The following CCDC63 variants were observed in gnomAD, a reference collection of about 807,000 sequenced individuals.
CCDC63 encodes coiled-coil domain-containing protein 63.
CCDC63 carries 54 observed loss-of-function variants against 63.6 expected under a neutral mutation model. The observed-to-expected ratio is 0.85, with a 90% CI of 0.68 to 1.07. The LOEUF (loss-of-function observed/expected upper bound fraction) is 1.07, where lower values mean the gene tolerates loss of function less well. Ranked by LOEUF, CCDC63 falls within the 50% of genes least tolerant of loss-of-function variation. CCDC63 has a pLI of 0.00. For synonymous variants in CCDC63, 253 were observed against 266.1 expected (o/e 0.95, Z 0.48); for missense variants, 637 against 689.6 (o/e 0.92, Z 0.86).
Position 110,902,367 on chromosome 12 carries a change from T to C in CCDC63, c.1343-2221T>C, listed in dbSNP as rs927487539. On this transcript the variant is annotated intron_variant, in intron 10 of 11. Transcript: ENST00000308208. ...CCTCTTGTCCTGCTCTGTCCCTGGC[T>C]CACCTGTAGCCACACTATCCTCCTC... Among the ~76,000 whole-genome samples the C allele has an allele frequency of 1.3e-3, 205 of 152,274 alleles. 1 individual carries two copies. The highest frequency in any genetic ancestry group is 4.7e-3 in the African/African-American group (196 of 41,546).
chr12:110,866,464 G>A (rs956784575), intron 4 of CCDC63, among the ~76,000 whole-genome samples: 2 of 144,998 alleles, frequency 1.4e-5, no homozygotes, highest in Admixed American at 1.4e-4. Flanking sequence ...AGGACCCTGC[G>A]GCCTTCCGCA....
In CCDC63 at chr12:110,852,861, CA is replaced by C; in HGVS notation, c.-93del. ...CTTCCTTTTGCCACCATGAACAGGG[CA>C]TTGCAGAGAGACAGAGAGAGAGAGG... On this transcript the variant is annotated 5_prime_UTR_variant, in exon 2 of 12. Transcript: ENST00000308208. The C allele has an allele frequency of 6.3e-7, 1 of 1,594,228 alleles. No homozygotes were observed. The highest frequency in any genetic ancestry group is 8.6e-7 in the Non-Finnish European group (1 of 1,162,072).
intron 10 of CCDC63, among the ~76,000 whole-genome samples, chr12:110,903,175 C>A (rs1042697505): frequency 2.0e-5 from 3 of 151,824 alleles, no homozygotes; most frequent in Non-Finnish European, 2.9e-5. Context: ...CTGCACCTGG[C>A]CTAATTTTTG....
chr12:110,873,914 C>A lies in CCDC63; in HGVS notation c.442C>A (p.Arg148=). The change falls in exon 5 of 12, where the codon CGG becomes AGG. Residue 148 remains arginine, a synonymous_variant. Transcript: ENST00000308208. ...AAAAATGCAGGAGGCCAATAACCCC[C>A]GGAAACTGCAGAAACAGATTCACAT... ...FAKMQEANNP[R]KLQKQIHILE... The A allele has an allele frequency of 6.2e-7, 1 of 1,612,248 alleles. No individual in the cohort carries two copies. The highest frequency in any genetic ancestry group is 8.5e-7 in the Non-Finnish European group (1 of 1,179,542).
At chr12:110,869,590 T>C (rs2071037266) in intron 4 of CCDC63, among the ~76,000 whole-genome samples, 1 of 152,148 alleles carries the variant, frequency 6.6e-6, no homozygotes, top group Non-Finnish European at 1.5e-5. Context: ...TAAGGCTGCA[T>C]TGTGGGCTGG....
intron 1 of CCDC63, among the ~76,000 whole-genome samples, chr12:110,852,561 C>T (rs1234648142): frequency 1.3e-5 from 2 of 152,054 alleles, no homozygotes; most frequent in Admixed American, 1.3e-4. Flanking sequence ...ATGCCCGGCC[C>T]CCTGATGCCA....
chr12:110,904,241 C>CTGAA (rs942553948), intron 10 of CCDC63, among the ~76,000 whole-genome samples: 2 of 151,552 alleles, frequency 1.3e-5, no homozygotes, highest in Non-Finnish European at 2.9e-5. Flanking sequence ...ACTCGGAAGA[C>CTGAA]TGAAGCAGGA....
At chr12:110,887,622 G>C (rs1053762087) in intron 8 of CCDC63, among the ~76,000 whole-genome samples, 1 of 151,912 alleles carries the variant, frequency 6.6e-6, no homozygotes, top group Non-Finnish European at 1.5e-5. Flanking sequence ...TAAGGGATCA[G>C]GTTAAAAAAA....
Position 110,907,411 on chromosome 12 carries a change from G to A in CCDC63, c.1627G>A (p.Val543Met). Reference sequence around the variant, plus strand: ...CCTGAAGGAGAATCGGAGTAAGGAAGTGCGCGGAGACAGCCTGCCTGAGAA... The same window carrying A: ...CCTGAAGGAGAATCGGAGTAAGGAAATGCGCGGAGACAGCCTGCCTGAGAA... Reference protein sequence around the residue: ...YILKENRSKEVRGDSLPEKVD... With the variant: ...YILKENRSKEMRGDSLPEKVD... The change falls in exon 12 of 12, where the codon GTG (valine) becomes ATG (methionine). Residue 543 changes from valine (V) to methionine (M), a missense_variant. Val to Met is a conservative substitution (Grantham distance 21, BLOSUM62 1). Transcript: ENST00000308208. The surrounding 1 kb of genome is among the most constrained non-coding windows in gnomAD (Gnocchi z 4.4). 2 of 1,614,230 alleles carry A rather than the reference G, an allele frequency of 1.2e-6. No individual in the cohort carries two copies. The highest frequency in any genetic ancestry group is 1.3e-5 in the African/African-American group (1 of 75,058).
At chr12:110,891,458 C>T (rs908798232) in intron 8 of CCDC63, among the ~76,000 whole-genome samples, 2 of 151,824 alleles carry the variant, frequency 1.3e-5, no homozygotes, top group African/African-American at 4.8e-5. Flanking sequence ...CAAGACCAGC[C>T]TGGGCAACAT....
intron 5 of CCDC63, among the ~76,000 whole-genome samples, chr12:110,877,916 A>G (rs2136691517): frequency 6.6e-6 from 1 of 151,676 alleles, no homozygotes; most frequent in East Asian, 2.0e-4. Flanking sequence ...CATGTTGGCC[A>G]GACTGGTCTC....
intron 9 of CCDC63, 35 bp from the exon 10 acceptor site, chr12:110,898,898 C>T: frequency 1.3e-6 from 2 of 1,529,852 alleles, no homozygotes; most frequent in Non-Finnish European, 1.8e-6. Context: ...ACTGAAAGTC[C>T]TCCTGAGCAG....
At chr12:110,873,185 A>C (rs1029426253) in intron 4 of CCDC63, among the ~76,000 whole-genome samples, 6 of 152,202 alleles carry the variant, frequency 3.9e-5, no homozygotes, top group Non-Finnish European at 8.8e-5. Flanking sequence ...GTGGTGAGCC[A>C]AGATCGCGCC....
At chr12:110,897,724 AC>A (rs769918334) in intron 9 of CCDC63, among the ~76,000 whole-genome samples, 14 of 145,452 alleles carry the variant, frequency 9.6e-5, no homozygotes, top group Non-Finnish European at 1.8e-4. Flanking sequence ...CTTCCTGTGG[AC>A]CACCTTGTTT....
chr12:110,852,227 A>G (rs2070712950), intron 1 of CCDC63, among the ~76,000 whole-genome samples: 1 of 152,078 alleles, frequency 6.6e-6, no homozygotes, highest in Admixed American at 6.6e-5. Context: ...GCACATTTCT[A>G]TTTAACCCCA....
chr12:110,892,956 G>A, intron 8 of CCDC63, 120 bp from the exon 9 acceptor site: 1 of 750,810 alleles, frequency 1.3e-6, no homozygotes, highest in Admixed American at 2.7e-5. Flanking sequence ...CAGGTGTTTG[G>A]GGCTCTTTGA....
intron 10 of CCDC63, among the ~76,000 whole-genome samples, chr12:110,903,771 T>C (rs189705582): frequency 6.6e-6 from 1 of 152,204 alleles, no homozygotes; most frequent in Admixed American, 6.5e-5. Flanking sequence ...AAAACACCTC[T>C]AGGGGGTTAT....
chr12:110,859,089 C>T (rs2070817430), intron 4 of CCDC63, among the ~76,000 whole-genome samples: 1 of 152,110 alleles, frequency 6.6e-6, no homozygotes, highest in Admixed American at 6.6e-5. Context: ...TAAATGCCAC[C>T]CCCTCACGCA....
chr12:110,889,492 C>G lies in CCDC63; in HGVS notation c.1075-3584C>G, dbSNP rs1168791131. Among the ~76,000 whole-genome samples, 1 of 152,098 alleles carries G rather than the reference C, an allele frequency of 6.6e-6. No individual in the cohort carries two copies. Among genetic ancestry groups the G allele is most frequent in the Non-Finnish European group, 1.5e-5 (1 of 68,028 alleles). On this transcript the variant is annotated intron_variant, in intron 8 of 11. Transcript: ENST00000308208. This position sits in a 1 kb window ranked among gnomAD's most constrained non-coding sequence, Gnocchi z 4.1. ...GTGAAGGATTGAGCTGTCCAGATCT[C>G]TGGGGAAGAACGCTCCAGGCAGAGG... is the stretch of plus-strand genomic sequence containing the variant.
Sources: gnomAD v4.1 joint callset for allele counts (sites outside exome capture counted in the v4.1 genomes callset) on GRCh38, gnomAD v4.1.1 for gene constraint, Gnocchi (gnomAD v3.1) non-coding constraint, MANE v1.5 for transcripts, NCBI Gene and HGNC (gene_info 2026-07-23, HGNC 2026-07-21) for gene names.